Variants in IMMP2L observed in about 807,000 individuals in gnomAD.
The protein encoded by IMMP2L is inner mitochondrial membrane peptidase subunit 2, also known as mitochondrial inner membrane protease subunit 2.
A neutral mutation model predicts 19.3 loss-of-function variants in IMMP2L; 18 were observed. The observed-to-expected ratio is 0.93, with a 90% CI of 0.64 to 1.38. The LOEUF (loss-of-function observed/expected upper bound fraction) is 1.38, where lower values mean the gene tolerates loss of function less well. Ranked by LOEUF, IMMP2L falls within the 40% of genes most tolerant of loss-of-function variation. The pLI, the probability that IMMP2L is intolerant of heterozygous loss-of-function variation, is 0.00. For missense variants in IMMP2L, 233 were observed against 218.2 expected, an observed-to-expected ratio of 1.07 and a Z score of -0.43; for synonymous variants, 76 against 73.0, an observed-to-expected ratio of 1.04 and a Z score of -0.21.
At chr7:110,852,441 T>C (rs1327196928) in intron 5 of IMMP2L, among the ~76,000 whole-genome samples, 2 of 152,012 alleles carry the variant, frequency 1.3e-5, no homozygotes, top group Non-Finnish European at 2.9e-5. Flanking sequence ...ATGGCCAGAA[T>C]GGTACCTGCA....
chr7:110,889,629 C>T (rs1208499687), intron 4 of IMMP2L, among the ~76,000 whole-genome samples: 1 of 152,144 alleles, frequency 6.6e-6, no homozygotes, highest in African/African-American at 2.4e-5. Context: ...CAGTCCGTGG[C>T]CTGGGGGTTA....
At chr7:111,268,567 C>CTTTTTTTTTTT (rs1562987595) in intron 3 of IMMP2L, among the ~76,000 whole-genome samples, 1 of 63,350 alleles carries the variant, frequency 1.6e-5, no homozygotes. Context: ...CTTCACATTT[C>CTTTTTTTTTTT]TCTTTTTTTT....
Position 111,391,818 on chromosome 7 carries a change from A to G in IMMP2L, c.239+95420T>C, listed in dbSNP as rs1455917351. 4 of 700,138 alleles carry G rather than the reference A, an allele frequency of 5.7e-6. No individual in the cohort carries two copies. In the East Asian group the frequency reaches 1.1e-4, roughly 19 times the overall value. The allele number at this position is 700,138 out of a possible 1,614,324, so 43.4% of individuals were successfully genotyped here. ...GGAAACCTGAATAGAGGTCCTTAAT[A>G]TATGACAACACGACCATACCTCTCT... On this transcript the variant is annotated intron_variant, in intron 3 of 5. Coordinates refer to ENST00000405709, the MANE Select transcript of IMMP2L (RefSeq NM_032549.4).
At chr7:111,105,791 T>G (rs1467712347) in intron 3 of IMMP2L, among the ~76,000 whole-genome samples, 1 of 151,744 alleles carries the variant, frequency 6.6e-6, no homozygotes, top group African/African-American at 2.4e-5. Context: ...ATAAAAGAAA[T>G]AGATAGAGAT....
intron 1 of IMMP2L, among the ~76,000 whole-genome samples, chr7:111,549,619 T>C (rs1372646010): frequency 6.6e-6 from 1 of 152,156 alleles, no homozygotes; most frequent in Admixed American, 6.6e-5. Flanking sequence ...ATACTCAGAC[T>C]ACAGGATGTC....
At chr7:111,261,792 G>C (rs1817335149) in intron 3 of IMMP2L, among the ~76,000 whole-genome samples, 1 of 152,058 alleles carries the variant, frequency 6.6e-6, no homozygotes, top group African/African-American at 2.4e-5. Flanking sequence ...AAGACCTTCG[G>C]GGGAAAGACA....
intron 5 of IMMP2L, among the ~76,000 whole-genome samples, chr7:110,798,080 C>T (rs1444964223): frequency 6.6e-6 from 1 of 151,876 alleles, no homozygotes; most frequent in Non-Finnish European, 1.5e-5. Flanking sequence ...AAGAATCTTA[C>T]AGCGGTCATA....
chr7:111,272,725 C>A (rs1053002951), intron 3 of IMMP2L, among the ~76,000 whole-genome samples: 1 of 152,120 alleles, frequency 6.6e-6, no homozygotes, highest in African/African-American at 2.4e-5. Flanking sequence ...CAGGACATCC[C>A]CAACCTTTTC....
chr7:111,401,472 TATAG>T (rs1833414931), intron 3 of IMMP2L, among the ~76,000 whole-genome samples: 1 of 152,116 alleles, frequency 6.6e-6, no homozygotes. Flanking sequence ...TAAAATAATA[TATAG>T]ATAAGTAGGA....
At chr7:110,694,629 G>A (rs563506422) in intron 5 of IMMP2L, among the ~76,000 whole-genome samples, 5 of 152,232 alleles carry the variant, frequency 3.3e-5, no homozygotes, top group African/African-American at 7.2e-5. Flanking sequence ...CAGAGAGAGC[G>A]AGAGAAAGAG....
intron 5 of IMMP2L, among the ~76,000 whole-genome samples, chr7:110,805,276 A>G (rs540536000): frequency 6.6e-6 from 1 of 152,256 alleles, no homozygotes; most frequent in South Asian, 2.1e-4. Context: ...AATGGTAACT[A>G]TTGTTCCACA....
chr7:110,822,427 A>G (rs1034215503), intron 5 of IMMP2L, among the ~76,000 whole-genome samples: 4 of 152,062 alleles, frequency 2.6e-5, no homozygotes, highest in Non-Finnish European at 4.4e-5. Flanking sequence ...ATACTTTAGC[A>G]TAAGTTCCAT....
intron 3 of IMMP2L, among the ~76,000 whole-genome samples, chr7:111,252,954 A>G (rs932430090): frequency 2.6e-5 from 4 of 152,166 alleles, no homozygotes; most frequent in African/African-American, 9.6e-5. Context: ...TCTATATCAA[A>G]TTATTTGTTT....
At chr7:111,040,009 A>G (rs1326049093) in intron 3 of IMMP2L, among the ~76,000 whole-genome samples, 1 of 152,226 alleles carries the variant, frequency 6.6e-6, no homozygotes, top group Non-Finnish European at 1.5e-5. Flanking sequence ...TACTAAAAAT[A>G]CAAAAATTAG....
chr7:110,820,869 C>G (rs1036644751), intron 5 of IMMP2L, among the ~76,000 whole-genome samples: 2 of 152,056 alleles, frequency 1.3e-5, no homozygotes, highest in Non-Finnish European at 2.9e-5. Context: ...ACCTTTTCAA[C>G]TTTCCTGAGC....
At chr7:110,665,364 C>G (rs1791373385) in intron 5 of IMMP2L, among the ~76,000 whole-genome samples, 1 of 152,132 alleles carries the variant, frequency 6.6e-6, no homozygotes, top group South Asian at 2.1e-4. Context: ...CTGAAAACTT[C>G]AACATATATC....
intron 4 of IMMP2L, among the ~76,000 whole-genome samples, chr7:110,942,017 A>C (rs991144492): frequency 1.7e-4 from 26 of 151,974 alleles, no homozygotes; most frequent in Admixed American, 1.7e-3. Context: ...TGAATATTAA[A>C]TCTGTTTTGT....
intron 5 of IMMP2L, among the ~76,000 whole-genome samples, chr7:110,737,190 G>A (rs1796692937): frequency 6.6e-6 from 1 of 152,146 alleles, no homozygotes; most frequent in African/African-American, 2.4e-5. Flanking sequence ...CCCTTTGAAG[G>A]AACTGGATCA....
At chr7:111,180,715 G>T (rs1417055194) in intron 3 of IMMP2L, among the ~76,000 whole-genome samples, 2 of 151,988 alleles carry the variant, frequency 1.3e-5, no homozygotes, top group Non-Finnish European at 2.9e-5. Flanking sequence ...AAATTGTGCT[G>T]AAATGACTGT....
Sources: gnomAD v4.1 joint callset for allele counts (sites outside exome capture counted in the v4.1 genomes callset) on GRCh38, gnomAD v4.1.1 for gene constraint, MANE v1.5 for transcripts, NCBI Gene and HGNC (gene_info 2026-07-23, HGNC 2026-07-21) for gene names.